The following CNTNAP5 variants were observed in gnomAD, a reference collection of about 807,000 sequenced individuals.
CNTNAP5 encodes the protein contactin-associated protein-like 5.
In CNTNAP5, 72 loss-of-function variants were observed where a neutral mutation model predicts 150.2. The ratio of observed to expected loss-of-function variants is 0.48; its 90% CI spans 0.40 to 0.58. CNTNAP5 has a LOEUF of 0.58. Ranked by LOEUF, CNTNAP5 falls within the 20% of genes least tolerant of loss-of-function variation. The probability of loss-of-function intolerance (pLI) is 0.00; values close to 1 mark genes in which losing one functional copy is unlikely to be tolerated. For missense variants in CNTNAP5, 1,636 were observed against 1,626.2 expected (o/e 1.01, Z -0.10); for synonymous variants, 672 against 619.8 (o/e 1.08, Z -1.25).
At chr2:124,886,967 G>A (rs1247313890) in intron 21 of CNTNAP5, among the ~76,000 whole-genome samples, 3 of 152,006 alleles carry the variant, frequency 2.0e-5, no homozygotes, top group Non-Finnish European at 4.4e-5. Context: ...TTACTTCTGT[G>A]TGTGGTCATC....
chr2:124,524,135 G>A (rs1694911011), intron 8 of CNTNAP5, among the ~76,000 whole-genome samples, 168 bp from the exon 9 acceptor site: 1 of 152,114 alleles, frequency 6.6e-6, no homozygotes, highest in African/African-American at 2.4e-5. Context: ...GGCAAGAAGA[G>A]GAAGAACAAT....
chr2:124,483,391 A>C (rs1443825830), intron 7 of CNTNAP5, among the ~76,000 whole-genome samples: 1 of 152,150 alleles, frequency 6.6e-6, no homozygotes, highest in African/African-American at 2.4e-5. Context: ...TAAAAATGGA[A>C]TCACCATTAG....
chr2:124,289,982 G>T lies in CNTNAP5; in HGVS notation c.381+47589G>T, dbSNP rs4848927. Among the ~76,000 whole-genome samples, 657 of 152,182 alleles carry T rather than the reference G, an allele frequency of 4.3e-3. 8 individuals carry two copies. The highest frequency in any genetic ancestry group is 0.031 in the East Asian group (162 of 5,178). ...TATTTATTATTCCAAATTTATTCAA[G>T]AAATATGTCACATTTTAAAATGTGC... On this transcript the variant is annotated intron_variant, in intron 3 of 23. Coordinates refer to ENST00000682447, the MANE Select transcript of CNTNAP5 (RefSeq NM_001367498.1).
chr2:124,533,535 G>A (rs1284201006), intron 10 of CNTNAP5, among the ~76,000 whole-genome samples: 1 of 152,176 alleles, frequency 6.6e-6, no homozygotes, highest in African/African-American at 2.4e-5. Flanking sequence ...GGAGGAGAGG[G>A]ATGGTTCCTG....
chr2:124,129,425 T>G (rs998426908), intron 1 of CNTNAP5, among the ~76,000 whole-genome samples: 10 of 152,106 alleles, frequency 6.6e-5, no homozygotes, highest in African/African-American at 2.4e-4. Context: ...CAAGATCACA[T>G]AACTTCTCTT....
chr2:124,489,730 C>A (rs1693974191), intron 7 of CNTNAP5, among the ~76,000 whole-genome samples: 2 of 152,084 alleles, frequency 1.3e-5, no homozygotes, highest in Non-Finnish European at 2.9e-5. Flanking sequence ...CATTCCAACC[C>A]TCCATCTTCC....
chr2:124,807,246 G>C (rs314718), intron 19 of CNTNAP5, among the ~76,000 whole-genome samples: 1 of 151,944 alleles, frequency 6.6e-6, no homozygotes, highest in Admixed American at 6.6e-5. Context: ...TGTCTCCACT[G>C]TAATAAGTAG....
chr2:124,406,442 T>G (rs78514396), intron 3 of CNTNAP5, among the ~76,000 whole-genome samples: 2,042 of 152,370 alleles, frequency 0.013, 37 homozygotes, highest in African/African-American at 0.046. Context: ...ATATTTTCCT[T>G]CTACATGCCT....
chr2:124,086,427 T>C (rs1682694007), intron 1 of CNTNAP5, among the ~76,000 whole-genome samples: 3 of 151,448 alleles, frequency 2.0e-5, no homozygotes, highest in Admixed American at 2.0e-4. Context: ...ATGGTCTCGA[T>C]CTCCTGACCT....
At chr2:124,058,766 A>G (rs909368875) in intron 1 of CNTNAP5, among the ~76,000 whole-genome samples, 2 of 152,048 alleles carry the variant, frequency 1.3e-5, no homozygotes, top group Non-Finnish European at 2.9e-5. Context: ...GTCTTCTACC[A>G]CTCTTATGAG....
At chr2:124,555,873 T>G (rs1695743513) in intron 10 of CNTNAP5, among the ~76,000 whole-genome samples, 1 of 152,192 alleles carries the variant, frequency 6.6e-6, no homozygotes, top group Non-Finnish European at 1.5e-5. Context: ...CATTGGGAAT[T>G]TGTAGAATAA....
At chr2:124,766,121 C>T (rs367724429) in intron 16 of CNTNAP5, among the ~76,000 whole-genome samples, 38 of 152,138 alleles carry the variant, frequency 2.5e-4, no homozygotes, top group African/African-American at 7.2e-4. Flanking sequence ...TTTTTAGTGA[C>T]GTTTGCTATT....
chr2:124,296,183 T>G (rs1052605800), intron 3 of CNTNAP5, among the ~76,000 whole-genome samples: 2 of 152,122 alleles, frequency 1.3e-5, no homozygotes, highest in Non-Finnish European at 2.9e-5. Context: ...GTCAAGGTAA[T>G]TAATATTAGC....
intron 11 of CNTNAP5, among the ~76,000 whole-genome samples, chr2:124,570,428 G>C (rs994620040): frequency 2.0e-5 from 3 of 152,124 alleles, no homozygotes; most frequent in Non-Finnish European, 4.4e-5. Flanking sequence ...ACCTGGCATA[G>C]CTAGAATTGA....
intron 11 of CNTNAP5, among the ~76,000 whole-genome samples, chr2:124,607,072 T>C (rs941786886): frequency 8.5e-5 from 13 of 152,272 alleles, no homozygotes; most frequent in African/African-American, 2.9e-4. Context: ...GGAGGCTCTT[T>C]TTGAGTTACT....
At chr2:124,157,814 T>C (rs2104644238) in intron 1 of CNTNAP5, among the ~76,000 whole-genome samples, 1 of 152,242 alleles carries the variant, frequency 6.6e-6, no homozygotes, top group Admixed American at 6.5e-5. Flanking sequence ...CATGAGGAGA[T>C]CCCAACCTAA....
chr2:124,902,162 ATCT>A (rs1292740018), intron 21 of CNTNAP5, among the ~76,000 whole-genome samples: 10 of 152,180 alleles, frequency 6.6e-5, no homozygotes, highest in Non-Finnish European at 1.5e-4. Flanking sequence ...ATACTGAGTA[ATCT>A]TACCACCAAT....
intron 13 of CNTNAP5, among the ~76,000 whole-genome samples, chr2:124,675,000 T>C (rs1460122220): frequency 6.6e-6 from 1 of 152,152 alleles, no homozygotes; most frequent in East Asian, 1.9e-4. Context: ...TTAAATGTTC[T>C]ATGTTCTTGA....
chr2:124,881,628 G>C (rs1431310618), intron 21 of CNTNAP5, among the ~76,000 whole-genome samples: 1 of 152,080 alleles, frequency 6.6e-6, no homozygotes, highest in African/African-American at 2.4e-5. Flanking sequence ...GGATTGCTGT[G>C]AGGAGAGTCC....
Sources: gnomAD v4.1 joint callset for allele counts (sites outside exome capture counted in the v4.1 genomes callset) on GRCh38, gnomAD v4.1.1 for gene constraint, MANE v1.5 for transcripts, NCBI Gene and HGNC (gene_info 2026-07-23, HGNC 2026-07-21) for gene names.